NELL2: variants seen among roughly 807,000 people sequenced by gnomAD.
The protein encoded by NELL2 is protein kinase C-binding protein NELL2.
A neutral mutation model predicts 109.6 loss-of-function variants in NELL2; 41 were observed. That is an observed-to-expected ratio of 0.37 (90% CI 0.29 to 0.49). NELL2 has a LOEUF of 0.49. NELL2 is among the 20% of genes least tolerant of loss of function. NELL2 has a pLI of 0.98. For synonymous variants in NELL2, 355 were observed against 344.7 expected (o/e 1.03, Z -0.33); for missense variants, 900 against 1,008.3 (o/e 0.89, Z 1.45).
chr12:44,529,579 C>T (rs118187872), intron 16 of NELL2, among the ~76,000 whole-genome samples: 7 of 151,898 alleles, frequency 4.6e-5, no homozygotes, highest in South Asian at 2.1e-4. Context: ...GGGGCATTTG[C>T]GAGAGTGAAA....
chr12:44,579,479 C>T (rs988289820), intron 15 of NELL2, among the ~76,000 whole-genome samples: 2 of 152,168 alleles, frequency 1.3e-5, no homozygotes, highest in Non-Finnish European at 2.9e-5. Flanking sequence ...CCATTAAGAA[C>T]CTTCGAGACA....
intron 13 of NELL2, among the ~76,000 whole-genome samples, chr12:44,665,107 CT>C (rs1947878147): frequency 6.6e-6 from 1 of 151,974 alleles, no homozygotes; most frequent in Admixed American, 6.6e-5. Context: ...AAATCTATCT[CT>C]GAAAAAAATC....
intron 18 of NELL2, among the ~76,000 whole-genome samples, chr12:44,520,898 C>T (rs74085073): frequency 0.1 from 15,805 of 152,130 alleles, 1,578 homozygotes; most frequent in African/African-American, 0.26. Flanking sequence ...AGCCTTCGGG[C>T]ACAGAAACTG....
chr12:44,686,479 A>T (rs543170800), intron 12 of NELL2, among the ~76,000 whole-genome samples: 1 of 152,194 alleles, frequency 6.6e-6, no homozygotes, highest in South Asian at 2.1e-4. Flanking sequence ...CCTTTGGAGG[A>T]GGAGAGGCGC....
At chr12:44,839,786 T>C (rs1241936217) in intron 2 of NELL2, among the ~76,000 whole-genome samples, 2 of 146,638 alleles carry the variant, frequency 1.4e-5, no homozygotes, top group Non-Finnish European at 3.1e-5. Context: ...TTCACACCCA[T>C]GATAACACTA....
intron 12 of NELL2, among the ~76,000 whole-genome samples, chr12:44,670,341 A>T (rs1948095474): frequency 6.6e-6 from 1 of 152,160 alleles, no homozygotes; most frequent in Admixed American, 6.5e-5. Flanking sequence ...AATAAGAAAG[A>T]GAAAGGAGTC....
At chr12:44,909,166 T>C (rs1337290914) in intron 1 of NELL2, among the ~76,000 whole-genome samples, 1 of 152,030 alleles carries the variant, frequency 6.6e-6, no homozygotes, top group Non-Finnish European at 1.5e-5. Flanking sequence ...GATATGATTC[T>C]ATACCTAGAA....
At chr12:44,910,326 T>A (rs1416529368) in intron 1 of NELL2, among the ~76,000 whole-genome samples, 1 of 151,882 alleles carries the variant, frequency 6.6e-6, no homozygotes, top group Non-Finnish European at 1.5e-5. Context: ...GAGACACTTT[T>A]CAAAAGACAT....
intron 9 of NELL2, among the ~76,000 whole-genome samples, chr12:44,739,697 C>T (rs1939838833): frequency 6.6e-6 from 1 of 152,124 alleles, no homozygotes; most frequent in African/African-American, 2.4e-5. Flanking sequence ...TCGGGACCAG[C>T]CTGGCCAACA....
Position 44,835,923 on chromosome 12 carries a change from G to A in NELL2, c.185-19787C>T, listed in dbSNP as rs543887019. The stretch of plus-strand genomic sequence containing the variant: ...GCTCAAGCTGAAAAATCCAGGCAGA[G>A]GAAGAATATGTACAAAGCATGCAGG... On this transcript the variant is annotated intron_variant, in intron 2 of 19. Coordinates refer to ENST00000429094, the MANE Select transcript of NELL2 (RefSeq NM_001145108.2). Among the ~76,000 whole-genome samples the A allele has an allele frequency of 7.2e-5, 11 of 152,250 alleles. No homozygotes were observed. In the South Asian group the frequency reaches 2.3e-3, roughly 32 times the overall value.
At chr12:44,848,102 G>A (rs1834159103) in intron 2 of NELL2, among the ~76,000 whole-genome samples, 1 of 151,814 alleles carries the variant, frequency 6.6e-6, no homozygotes, top group Non-Finnish European at 1.5e-5. Flanking sequence ...TGATGGCTGT[G>A]GGGGCTGCAG....
intron 3 of NELL2, among the ~76,000 whole-genome samples, chr12:44,809,482 GT>G (rs1317983547): frequency 6.6e-6 from 1 of 151,786 alleles, no homozygotes; most frequent in Non-Finnish European, 1.5e-5. Flanking sequence ...TTACTGTCTG[GT>G]TTTTTTTAGG....
At chr12:44,622,558 C>CA (rs1946097745) in intron 13 of NELL2, among the ~76,000 whole-genome samples, 1 of 152,000 alleles carries the variant, frequency 6.6e-6, no homozygotes, top group Non-Finnish European at 1.5e-5. Context: ...TACCTCAAAA[C>CA]AAAATGAAAT....
chr12:44,694,591 C>T (rs1468077147), intron 12 of NELL2, among the ~76,000 whole-genome samples: 1 of 151,206 alleles, frequency 6.6e-6, no homozygotes, highest in African/African-American at 2.4e-5. Context: ...CTGACTAATA[C>T]AGTATCCTTA....
intron 2 of NELL2, among the ~76,000 whole-genome samples, chr12:44,821,443 T>C (rs1341707113): frequency 6.6e-6 from 1 of 152,184 alleles, no homozygotes; most frequent in Non-Finnish European, 1.5e-5. Flanking sequence ...AAACAAGTAA[T>C]TATATAAGAT....
intron 9 of NELL2, among the ~76,000 whole-genome samples, chr12:44,738,198 T>C (rs1174572804): frequency 6.6e-6 from 1 of 152,184 alleles, no homozygotes; most frequent in Non-Finnish European, 1.5e-5. Flanking sequence ...AACTATATTA[T>C]TGTGTTCATA....
At chr12:44,699,145 C>T (rs1386278210) in intron 12 of NELL2, among the ~76,000 whole-genome samples, 1 of 151,960 alleles carries the variant, frequency 6.6e-6, no homozygotes, top group African/African-American at 2.4e-5. Context: ...TTTTTGACAA[C>T]TTTTATATCT....
chr12:44,853,348 C>T (rs143605413), intron 2 of NELL2, among the ~76,000 whole-genome samples: 27 of 152,228 alleles, frequency 1.8e-4, no homozygotes, highest in African/African-American at 5.8e-4. Flanking sequence ...GTTGTTTCTA[C>T]GCATTTTCCT....
intron 9 of NELL2, among the ~76,000 whole-genome samples, chr12:44,734,681 G>A (rs1272341262): frequency 6.6e-6 from 1 of 151,230 alleles, no homozygotes; most frequent in African/African-American, 2.4e-5. Flanking sequence ...GGGTCCTTTG[G>A]GATAATAGAA....
Sources: allele counts gnomAD v4.1 joint callset (sites outside exome capture counted in the v4.1 genomes callset), GRCh38; gene constraint gnomAD v4.1.1; transcripts MANE v1.5; gene names NCBI Gene and HGNC (gene_info 2026-07-23, HGNC 2026-07-21).